AEN: variants seen among roughly 807,000 people sequenced by gnomAD.
The protein encoded by AEN is apoptosis-enhancing nuclease.
AEN carries 21 observed loss-of-function variants against 17.7 expected under a neutral mutation model. The ratio of observed to expected loss-of-function variants is 1.19; its 90% CI spans 0.84 to 1.71. AEN has a LOEUF of 1.71. Among genes scored for constraint, AEN ranks in the 40% most tolerant of loss-of-function variants. The probability of loss-of-function intolerance (pLI) is 0.00; values close to 1 mark genes in which losing one functional copy is unlikely to be tolerated. For synonymous variants in AEN, 190 were observed against 173.0 expected (o/e 1.10, Z -0.77); for missense variants, 462 against 435.9 (o/e 1.06, Z -0.53).
chr15:88,612,149 C>T, the AEN span, among the ~76,000 whole-genome samples: 1,797 of 152,224 alleles, frequency 0.012, 36 homozygotes, highest in African/African-American at 0.04. Flanking sequence ...CATACCACTA[C>T]CTGAAGGGCA....
chr15:88,618,495 C>T (rs1291670271), upstream of AEN, among the ~76,000 whole-genome samples: 1 of 152,148 alleles, frequency 6.6e-6, no homozygotes, highest in East Asian at 1.9e-4. Flanking sequence ...CATAGCATTT[C>T]ATTATATGAG....
the AEN span, among the ~76,000 whole-genome samples, chr15:88,606,239 C>T: frequency 6.6e-6 from 1 of 152,168 alleles, no homozygotes; most frequent in African/African-American, 2.4e-5. Context: ...TCCTTTTTCC[C>T]TTCCTTCCTT....
the AEN span, among the ~76,000 whole-genome samples, chr15:88,608,582 C>T: frequency 6.6e-6 from 1 of 152,224 alleles, no homozygotes. Flanking sequence ...GTCGGAAGAA[C>T]TGCATTGCTT....
At chr15:88,620,851 G>T (rs1255480226), upstream of AEN, among the ~76,000 whole-genome samples, 1 of 152,142 alleles carries the variant, frequency 6.6e-6, no homozygotes, top group African/African-American at 2.4e-5. Flanking sequence ...TGTTGCAAAA[G>T]AATAAATGAA....
At chr15:88,629,177 A>G (rs773702978) in intron 2 of AEN, 49 bp from the exon 3 acceptor site, 19 of 1,593,948 alleles carry the variant, frequency 1.2e-5, no homozygotes, top group African/African-American at 4.0e-5. Context: ...TCTCCTGCCA[A>G]CCTGATGGGG....
At chr15:88,618,365 T>C (rs373041992), upstream of AEN, among the ~76,000 whole-genome samples, 2 of 152,216 alleles carry the variant, frequency 1.3e-5, no homozygotes, top group African/African-American at 2.4e-5. Context: ...TGCAGATAAA[T>C]TTGAACTTGT....
At chr15:88,623,501 C>A (rs1224983697) in intron 1 of AEN, among the ~76,000 whole-genome samples, 1 of 152,216 alleles carries the variant, frequency 6.6e-6, no homozygotes, top group Non-Finnish European at 1.5e-5. Flanking sequence ...CTGCCACATG[C>A]TAGCTTCTAG....
chr15:88,617,997 G>T (rs2057752451), upstream of AEN, among the ~76,000 whole-genome samples: 1 of 152,056 alleles, frequency 6.6e-6, no homozygotes, highest in Non-Finnish European at 1.5e-5. Context: ...CTGATCTACT[G>T]CCCCACCCTG....
rs528336609 is a variant in AEN at position 88,631,703 on chromosome 15, A to G, written c.*1409A>G. 2 of 152,562 alleles carry G rather than the reference A, an allele frequency of 1.3e-5. No individual in the cohort carries two copies. Among genetic ancestry groups the G allele is most frequent in the East Asian group, 3.9e-4 (2 of 5,192 alleles). 9.5% of individuals were successfully genotyped at this position (152,562 alleles called of 1,614,324 possible). A position where few individuals can be genotyped will look rare whatever the true frequency, so the allele number is the denominator to read the frequency against. On this transcript the variant is annotated 3_prime_UTR_variant, in exon 4 of 4. Coordinates refer to ENST00000332810, the MANE Select transcript of AEN (RefSeq NM_022767.4). ...TGTTTATTCTTTGAGAATTTGTTGTAACTTCTTCAGGATAACACCTGAGTC... is the reference window on the plus strand; with the variant it reads ...TGTTTATTCTTTGAGAATTTGTTGTGACTTCTTCAGGATAACACCTGAGTC...
intron 1 of AEN, among the ~76,000 whole-genome samples, chr15:88,622,023 G>A (rs1026763854): frequency 6.6e-6 from 1 of 152,142 alleles, no homozygotes; most frequent in Non-Finnish European, 1.5e-5. Flanking sequence ...GAAGAGACGT[G>A]ACTTGCCCCA....
the AEN span, chr15:88,608,198 G>A: frequency 1.9e-6 from 1 of 529,366 alleles, no homozygotes; most frequent in Non-Finnish European, 3.9e-6. Flanking sequence ...CTGACTAGCT[G>A]AGTGAGCAGG....
upstream of AEN, among the ~76,000 whole-genome samples, chr15:88,618,343 GT>G (rs1567099897): frequency 6.6e-6 from 1 of 152,002 alleles, no homozygotes; most frequent in Admixed American, 6.6e-5. Flanking sequence ...GTACATTTCT[GT>G]CACACAATTA....
chr15:88,621,148 C>G (rs1890250689), upstream of AEN: 1 of 152,310 alleles, frequency 6.6e-6, no homozygotes, highest in Non-Finnish European at 1.5e-5. Context: ...AAATTTCCCG[C>G]CAGTATGGCC....
the AEN span, among the ~76,000 whole-genome samples, chr15:88,610,343 A>T: frequency 6.7e-6 from 1 of 148,616 alleles, no homozygotes; most frequent in East Asian, 2.0e-4. Context: ...ATTAAAGACC[A>T]CACATCCATC....
At chr15:88,628,091 C>T (rs561232051) in intron 2 of AEN, 5 of 152,178 alleles carry the variant, frequency 3.3e-5, no homozygotes, top group African/African-American at 1.2e-4. Flanking sequence ...TGTGGTGAAC[C>T]CTCCAGCTCC....
chr15:88,611,938 G>C, the AEN span: 1 of 497,868 alleles, frequency 2.0e-6, no homozygotes, highest in Non-Finnish European at 4.1e-6. Flanking sequence ...CATCGCAGCG[G>C]GGTGCAGGAA....
Position 88,625,602 on chromosome 15 carries a change from TTCTC to T in AEN, c.-64-543_-64-540del, listed in dbSNP as rs1342165631. On this transcript the variant is annotated intron_variant, in intron 1 of 3. Coordinates refer to ENST00000332810, the MANE Select transcript of AEN (RefSeq NM_022767.4). ...TACTGCGGGCTTCCTATGAAATTCT[TTCTC>T]CAGGTTGTGCTGAGGATCTGTGCCT... Among the ~76,000 whole-genome samples, 11 of 152,370 alleles carry T rather than the reference TTCTC, an allele frequency of 7.2e-5. No individual in the cohort carries two copies. In the East Asian group the frequency reaches 2.1e-3, roughly 29 times the overall value.
At chr15:88,617,552 C>T (rs558838230), upstream of AEN, among the ~76,000 whole-genome samples, 117 of 152,292 alleles carry the variant, frequency 7.7e-4, 1 homozygote, top group Non-Finnish European at 1.3e-4. Context: ...AGCGCCCGGC[C>T]TTCATTTTTA....
upstream of AEN, among the ~76,000 whole-genome samples, chr15:88,620,324 G>A (rs1348320877): frequency 6.6e-6 from 1 of 151,998 alleles, no homozygotes; most frequent in Non-Finnish European, 1.5e-5. Flanking sequence ...ATTTTGCCTG[G>A]CACATCATTC....
Sources: gnomAD v4.1 joint callset for allele counts (sites outside exome capture counted in the v4.1 genomes callset) on GRCh38, gnomAD v4.1.1 for gene constraint, MANE v1.5 for transcripts, NCBI Gene and HGNC (gene_info 2026-07-23, HGNC 2026-07-21) for gene names.